Variants in ZNF606 observed in about 807,000 individuals in gnomAD.
ZNF606 encodes zinc finger protein 328.
Under a neutral mutation model 74.9 loss-of-function variants are expected in ZNF606, and 37 were observed. That is an observed-to-expected ratio of 0.49 (90% CI 0.38 to 0.65). ZNF606 has a LOEUF of 0.65. ZNF606 is among the 30% of genes least tolerant of loss of function. The pLI is 0.00. For synonymous variants in ZNF606, 328 were observed against 312.4 expected, an observed-to-expected ratio of 1.05 and a Z score of -0.53; for missense variants, 852 against 952.9, an observed-to-expected ratio of 0.89 and a Z score of 1.39.
intron 4 of ZNF606, among the ~76,000 whole-genome samples, chr19:57,992,500 G>C (rs2073275729): frequency 6.6e-6 from 1 of 152,210 alleles, no homozygotes; most frequent in Non-Finnish European, 1.5e-5. Context: ...AACAAGACCA[G>C]TGACCTAGTT....
At chr19:57,980,442 T>C (rs936008120) in intron 6 of ZNF606, among the ~76,000 whole-genome samples, 163 bp from the exon 7 acceptor site, 1 of 152,176 alleles carries the variant, frequency 6.6e-6, no homozygotes, top group Non-Finnish European at 1.5e-5. Context: ...AAAAGAATAG[T>C]GAAAAGTAAA....
At chr19:57,989,827 C>T (rs2123305715) in intron 4 of ZNF606, among the ~76,000 whole-genome samples, 1 of 151,344 alleles carries the variant, frequency 6.6e-6, no homozygotes, top group South Asian at 2.1e-4. Context: ...CCTAGGTGGG[C>T]GGATCACGAG....
chr19:57,990,745 C>G (rs1326702053), intron 4 of ZNF606, among the ~76,000 whole-genome samples: 1 of 151,970 alleles, frequency 6.6e-6, no homozygotes, highest in Admixed American at 6.6e-5. Context: ...TGATCTGGGC[C>G]AGACCTCCCT....
At chr19:57,983,562 G>A (rs1320760287) in intron 6 of ZNF606, among the ~76,000 whole-genome samples, 1 of 150,350 alleles carries the variant, frequency 6.7e-6, no homozygotes, top group African/African-American at 2.5e-5. Flanking sequence ...TGGGCAACAA[G>A]GGCAAAACTC....
Position 58,001,285 on chromosome 19 carries a change from T to TCACC in ZNF606, c.31_31+3dup. On this transcript the variant is annotated splice_donor_region_variant and intron_variant, in intron 2 of 6. Coordinates refer to ENST00000551380, the MANE Select transcript of ZNF606 (RefSeq NM_001348022.3). ...GGCCCAGGAGAAACACAACTTGGAC[T>TCACC]CACCCCAGGAGGCCCACGGGTTGAT... The TCACC allele has an allele frequency of 1.9e-6, 3 of 1,614,082 alleles. No individual in the cohort carries two copies. Among genetic ancestry groups the TCACC allele is most frequent in the Non-Finnish European group, 2.5e-6 (3 of 1,180,002 alleles).
At chr19:58,000,195 G>A in intron 3 of ZNF606, 1 of 487,614 alleles carries the variant, frequency 2.1e-6, no homozygotes, top group South Asian at 3.4e-5. Context: ...TGCATCTTGA[G>A]ATGTCACCAT....
At chr19:57,995,227 C>G (rs1286132778) in intron 4 of ZNF606, among the ~76,000 whole-genome samples, 2 of 149,456 alleles carry the variant, frequency 1.3e-5, no homozygotes, top group East Asian at 3.9e-4. Flanking sequence ...TACCTAAAAC[C>G]AGGTACAATT....
Position 57,978,065 on chromosome 19 carries a change from G to C in ZNF606, c.*236C>G. The stretch of plus-strand genomic sequence containing the variant: ...GAATTACTGGTAGACCATAAGGGGA[G>C]TTTAGAGTTTCCTTCATTGTTAATT... On this transcript the variant is annotated 3_prime_UTR_variant, in exon 7 of 7. Transcript: ENST00000551380. This position sits in a 1 kb window ranked among gnomAD's most constrained non-coding sequence, Gnocchi z 4.4. The C allele has an allele frequency of 2.7e-6, 1 of 375,740 alleles. No homozygotes were observed. The highest frequency in any genetic ancestry group is 4.7e-6 in the Non-Finnish European group (1 of 212,100). 23.3% of individuals were successfully genotyped at this position (375,740 alleles called of 1,614,324 possible). A position where few individuals can be genotyped will look rare whatever the true frequency, so the allele number is the denominator to read the frequency against.
At chr19:57,999,004 C>T (rs2073377218) in intron 4 of ZNF606, 1 of 152,598 alleles carries the variant, frequency 6.6e-6, no homozygotes, top group East Asian at 1.9e-4. Context: ...CCTGGTGCCG[C>T]CTGATCCCAA....
At chr19:57,999,778 T>C in intron 4 of ZNF606, 30 bp downstream of exon 4, 1 of 1,606,148 alleles carries the variant, frequency 6.2e-7, no homozygotes, top group Middle Eastern at 1.7e-4. Context: ...CTGGACATCA[T>C]CCTCTGGGAA....
rs1164458517 is a variant in ZNF606, at chr19:57,980,241, C to G, written c.439G>C (p.Ala147Pro). The change falls in exon 7 of 7, where the codon GCA becomes CCA. Residue 147 changes from alanine (A) to proline (P), a missense_variant. Transcript: ENST00000551380. ...TGTTCTTCCTCAAAAATGCTCTGTG[C>G]TGGGATCAATGCTTTGCTTTCAAGA... ...RNLESKALIP[A>P]QSIFEEEQSH... 6.2e-7 allele frequency: 1 copy of G among 1,613,388 alleles called. No individual in the cohort carries two copies. The highest frequency in any genetic ancestry group is 8.5e-7 in the Non-Finnish European group (1 of 1,179,760).
At chr19:57,991,437 G>A (rs1254116200) in intron 4 of ZNF606, among the ~76,000 whole-genome samples, 1 of 152,144 alleles carries the variant, frequency 6.6e-6, no homozygotes, top group African/African-American at 2.4e-5. Flanking sequence ...TCCTCTTACA[G>A]ACTGCCCAGA....
At position 57,977,498 on chromosome 19, in the gene ZNF606, T is replaced by A. The variant is rs1028826935; in HGVS notation, c.*803A>T. On this transcript the variant is annotated 3_prime_UTR_variant, in exon 7 of 7. Transcript: ENST00000551380. Reference sequence around the variant, plus strand: ...GTAAGTATGTATATACAATTCTGTATCCTTTTTATTCCTTCATGTTATGTA... The same window carrying A: ...GTAAGTATGTATATACAATTCTGTAACCTTTTTATTCCTTCATGTTATGTA... 3 of 152,226 alleles carry A rather than the reference T, an allele frequency of 2.0e-5. No individual in the cohort carries two copies. The highest frequency in any genetic ancestry group is 7.2e-5 in the African/African-American group (3 of 41,440). 9.4% of individuals were successfully genotyped at this position (152,226 alleles called of 1,614,324 possible).
chr19:57,977,276 T>C lies in ZNF606; in HGVS notation c.*1025A>G, dbSNP rs1375745419. The C allele has an allele frequency of 2.0e-5, 3 of 152,156 alleles. No individual in the cohort carries two copies. Among genetic ancestry groups the C allele is most frequent in the Admixed American group, 2.0e-4 (3 of 15,276 alleles). The allele number at this position is 152,156 out of a possible 1,614,324, so 9.4% of individuals were successfully genotyped here. ...CAACATCTCTGCTTCAGCTTAGCCA[T>C]TTGTAAAACTGGGGTAACAGTACCT... On this transcript the variant is annotated 3_prime_UTR_variant, in exon 7 of 7. Transcript: ENST00000551380.
chr19:57,980,834 CAAA>C (rs55983296), intron 6 of ZNF606, among the ~76,000 whole-genome samples: 1,321 of 103,786 alleles, frequency 0.013, 28 homozygotes, highest in African/African-American at 0.042. Context: ...TACACCGTCT[CAAA>C]AAAAAAAAAA....
intron 6 of ZNF606, among the ~76,000 whole-genome samples, chr19:57,984,236 C>T (rs2073132073): frequency 6.6e-6 from 1 of 152,196 alleles, no homozygotes; most frequent in African/African-American, 2.4e-5. Flanking sequence ...GATGGGAGAA[C>T]ATCTAGAAAG....
rs749762446 is a variant in ZNF606, at chr19:58,002,458, G to C, written c.-114C>G. The C allele has an allele frequency of 2.2e-6, 1 of 455,014 alleles. No homozygotes were observed. The highest frequency in any genetic ancestry group is 4.4e-6 in the Non-Finnish European group (1 of 226,074). The allele number at this position is 455,014 out of a possible 1,614,324, so 28.2% of individuals were successfully genotyped here. A position where few individuals can be genotyped will look rare whatever the true frequency, so the allele number is the denominator to read the frequency against. ...AGCAGGATCGGGGTCTGCCCGCCTGGGGCGTTTGGCTTTTGTCCCGCGCCG... is the reference window on the plus strand; with the variant it reads ...AGCAGGATCGGGGTCTGCCCGCCTGCGGCGTTTGGCTTTTGTCCCGCGCCG... On this transcript the variant is annotated 5_prime_UTR_variant, in exon 1 of 7. Transcript: ENST00000551380.
chr19:58,003,187 G>A (rs1415969277), upstream of ZNF606: 5 of 453,942 alleles, frequency 1.1e-5, no homozygotes, highest in Non-Finnish European at 4.4e-6. Flanking sequence ...TTGTGAGAAA[G>A]TGACTGCTGT....
At chr19:58,002,929 C>A (rs745884199), upstream of ZNF606, 33 of 452,116 alleles carry the variant, frequency 7.3e-5, no homozygotes, top group South Asian at 5.0e-4. Flanking sequence ...CTCGCCCTGC[C>A]TGGGCGGGGT....
Sources: gnomAD v4.1 joint callset for allele counts (sites outside exome capture counted in the v4.1 genomes callset) on GRCh38, gnomAD v4.1.1 for gene constraint, Gnocchi (gnomAD v3.1) non-coding constraint, MANE v1.5 for transcripts, NCBI Gene and HGNC (gene_info 2026-07-23, HGNC 2026-07-21) for gene names.